TMEM116: variants seen among roughly 807,000 people sequenced by gnomAD.
TMEM116 encodes the protein transmembrane protein 116.
A neutral mutation model predicts 44.3 loss-of-function variants in TMEM116; 38 were observed. The ratio of observed to expected loss-of-function variants is 0.86; its 90% CI spans 0.66 to 1.12. The LOEUF (loss-of-function observed/expected upper bound fraction) is 1.12, where lower values mean the gene tolerates loss of function less well. Among genes scored for constraint, TMEM116 ranks in the 50% most tolerant of loss-of-function variants. The pLI is 0.00. For missense variants in TMEM116, 354 were observed against 401.7 expected, an observed-to-expected ratio of 0.88 and a Z score of 1.01; for synonymous variants, 132 against 144.8, an observed-to-expected ratio of 0.91 and a Z score of 0.64.
intron 4 of TMEM116, among the ~76,000 whole-genome samples, chr12:111,961,856 A>C (rs1326918103): frequency 6.6e-6 from 1 of 152,088 alleles, no homozygotes; most frequent in African/African-American, 2.4e-5. Context: ...AGCATATTCA[A>C]ATAGGAAAAG....
At chr12:112,009,769 G>A (rs997919098) in intron 1 of TMEM116, among the ~76,000 whole-genome samples, 1 of 150,996 alleles carries the variant, frequency 6.6e-6, no homozygotes, top group Non-Finnish European at 1.5e-5. Flanking sequence ...TCACTTGAAC[G>A]CAGGAGGTGG....
At chr12:111,947,235 T>C (rs2073361573) in intron 4 of TMEM116, among the ~76,000 whole-genome samples, 1 of 151,970 alleles carries the variant, frequency 6.6e-6, no homozygotes, top group Non-Finnish European at 1.5e-5. Context: ...AAATGATTAT[T>C]ATTTCATAGT....
intron 4 of TMEM116, among the ~76,000 whole-genome samples, chr12:111,958,873 T>G (rs1212565396): frequency 6.6e-6 from 1 of 152,182 alleles, no homozygotes; most frequent in Non-Finnish European, 1.5e-5. Context: ...TACGTTTGAT[T>G]GGTGTACCTG....
intron 4 of TMEM116, among the ~76,000 whole-genome samples, chr12:111,968,346 G>A (rs2075102688): frequency 1.3e-5 from 2 of 152,058 alleles, no homozygotes; most frequent in South Asian, 2.1e-4. Context: ...TCCTGAGAAT[G>A]AGCATCATTC....
At chr12:111,955,081 A>G (rs1328211726) in intron 4 of TMEM116, among the ~76,000 whole-genome samples, 2 of 152,222 alleles carry the variant, frequency 1.3e-5, no homozygotes, top group African/African-American at 4.8e-5. Flanking sequence ...ACTGATCTAG[A>G]TAAGTTAGTT....
At chr12:111,974,290 T>G (rs1431690829) in intron 4 of TMEM116, among the ~76,000 whole-genome samples, 3 of 152,142 alleles carry the variant, frequency 2.0e-5, no homozygotes, top group African/African-American at 7.2e-5. Context: ...ACTGTCCACT[T>G]TCACCACTTT....
At chr12:111,999,202 C>CAT (rs1446669287) in intron 3 of TMEM116, among the ~76,000 whole-genome samples, 2 of 151,482 alleles carry the variant, frequency 1.3e-5, no homozygotes, top group East Asian at 3.8e-4. Flanking sequence ...AAAAAACCCA[C>CAT]ATATATATAC....
At chr12:111,994,015 C>A (rs1240482271) in intron 3 of TMEM116, 4 of 571,922 alleles carry the variant, frequency 7.0e-6, no homozygotes, top group East Asian at 3.9e-5. Flanking sequence ...TTGCCCTCCC[C>A]CAAGATGCCA....
At chr12:111,984,194 A>G (rs1316702567) in intron 4 of TMEM116, among the ~76,000 whole-genome samples, 2 of 152,178 alleles carry the variant, frequency 1.3e-5, no homozygotes, top group African/African-American at 4.8e-5. Context: ...CTATCTCAGC[A>G]AAATAAAGGC....
chr12:111,963,526 A>T (rs1342154401), intron 4 of TMEM116, among the ~76,000 whole-genome samples: 1 of 152,182 alleles, frequency 6.6e-6, no homozygotes, highest in East Asian at 1.9e-4. Flanking sequence ...CTTTGCAGGG[A>T]CATGGATGAA....
At chr12:111,944,029 A>G (rs2073061978) in intron 4 of TMEM116, among the ~76,000 whole-genome samples, 1 of 152,130 alleles carries the variant, frequency 6.6e-6, no homozygotes, top group South Asian at 2.1e-4. Context: ...TACTTCTAGT[A>G]ATGACAGGCT....
chr12:112,006,946 A>T (rs147730958), intron 1 of TMEM116, among the ~76,000 whole-genome samples: 150 of 152,276 alleles, frequency 9.9e-4, no homozygotes, highest in African/African-American at 3.4e-3. Context: ...AAAACAAAAC[A>T]AAACAAAAAA....
chr12:111,940,523 GTATATATATA>G (rs759583297), intron 5 of TMEM116, among the ~76,000 whole-genome samples: 2 of 104,952 alleles, frequency 1.9e-5, no homozygotes, highest in Non-Finnish European at 3.5e-5. Flanking sequence ...ATATATATGT[GTATATATATA>G]TATATATATA....
Position 111,991,827 on chromosome 12 carries a change from C to T in TMEM116, c.141G>A (p.Glu47=). The change falls in exon 4 of 11, where the codon GAG becomes GAA. Residue 47 remains glutamate, a synonymous_variant. Transcript: ENST00000552374. ...CTACTGAAGCTCCATAGAGAAGTGT[C>T]TCCGTGAGCCAGCAAAGTCCCAGGA... is the stretch of plus-strand genomic sequence containing the variant. ...DLLLGLCWLT[E]TLLYGASVAN... The T allele has an allele frequency of 6.5e-7, 1 of 1,536,054 alleles. No homozygotes were observed. Among genetic ancestry groups the T allele is most frequent in the Non-Finnish European group, 8.7e-7 (1 of 1,146,732 alleles).
intron 3 of TMEM116, among the ~76,000 whole-genome samples, chr12:111,996,133 A>G (rs979497927): frequency 6.6e-6 from 1 of 151,930 alleles, no homozygotes; most frequent in Non-Finnish European, 1.5e-5. Context: ...TACATTCTAT[A>G]GGAGAATGTC....
At chr12:111,938,325 G>A in intron 5 of TMEM116, 115 bp from the exon 6 acceptor site, 2 of 690,546 alleles carry the variant, frequency 2.9e-6, no homozygotes, top group Non-Finnish European at 4.5e-6. Context: ...AAGCCAGTTT[G>A]CTTCTGTCAA....
chr12:111,947,046 T>TA (rs1346675924), intron 4 of TMEM116, among the ~76,000 whole-genome samples: 1 of 152,136 alleles, frequency 6.6e-6, no homozygotes, highest in African/African-American at 2.4e-5. Flanking sequence ...ATAACTGGCC[T>TA]AAAAAAACCA....
chr12:111,979,429 T>C (rs2075833977), intron 4 of TMEM116, among the ~76,000 whole-genome samples: 1 of 152,094 alleles, frequency 6.6e-6, no homozygotes, highest in South Asian at 2.1e-4. Context: ...AGTAAATACC[T>C]AGAATATAGA....
At chr12:111,993,442 T>C (rs1162816731) in intron 3 of TMEM116, 13 of 561,640 alleles carry the variant, frequency 2.3e-5, no homozygotes, top group Non-Finnish European at 4.3e-5. Context: ...AGCAACATAC[T>C]CCCAGAGCAT....
Sources: allele counts gnomAD v4.1 joint callset (sites outside exome capture counted in the v4.1 genomes callset), GRCh38; gene constraint gnomAD v4.1.1; transcripts MANE v1.5; gene names NCBI Gene and HGNC (gene_info 2026-07-23, HGNC 2026-07-21).